Variants in FMN2 observed in about 807,000 individuals in gnomAD.
FMN2 encodes the protein formin 2.
Under a neutral mutation model 142.3 loss-of-function variants are expected in FMN2, and 51 were observed. That is an observed-to-expected ratio of 0.36 (90% CI 0.29 to 0.45). FMN2 has a LOEUF of 0.45. Among genes scored for constraint, FMN2 ranks in the 20% least tolerant of loss-of-function variants. The pLI is 1.00. For synonymous variants in FMN2, 882 were observed against 869.8 expected (o/e 1.01, Z -0.25); for missense variants, 1,936 against 2,122.8 (o/e 0.91, Z 1.73).
intron 13 of FMN2, among the ~76,000 whole-genome samples, chr1:240,350,037 G>A (rs895255190): frequency 6.6e-6 from 1 of 151,898 alleles, no homozygotes; most frequent in East Asian, 1.9e-4. Flanking sequence ...GCAACTTGAT[G>A]TGCTACAGTT....
At chr1:240,163,317 A>G (rs74785533) in intron 2 of FMN2, among the ~76,000 whole-genome samples, 2,115 of 152,286 alleles carry the variant, frequency 0.014, 48 homozygotes, top group African/African-American at 0.044. Flanking sequence ...TATTGCTACT[A>G]TGTTTGTGGA....
intron 15 of FMN2, among the ~76,000 whole-genome samples, chr1:240,415,190 G>A (rs1316985869): frequency 1.3e-5 from 2 of 152,258 alleles, no homozygotes; most frequent in Admixed American, 6.5e-5. Flanking sequence ...TTTACACCAC[G>A]GAATACTATG....
chr1:240,156,139 T>C (rs1664016777), intron 2 of FMN2, among the ~76,000 whole-genome samples: 1 of 152,016 alleles, frequency 6.6e-6, no homozygotes, highest in Non-Finnish European at 1.5e-5. Flanking sequence ...TAGTCCCAGC[T>C]ACTAGGAAGG....
chr1:240,193,693 C>T lies in FMN2; in HGVS notation c.1986+5431C>T, dbSNP rs1292629886. On this transcript the variant is annotated intron_variant, in intron 4 of 17. Coordinates refer to ENST00000319653, the MANE Select transcript of FMN2 (RefSeq NM_020066.5). Reference sequence around the variant, plus strand: ...GTTTTGCTTTCCTTCTCCCGGGCCTCCTTGGCCTGCAGCCTGACAGTGCCT... The same window carrying T: ...GTTTTGCTTTCCTTCTCCCGGGCCTTCTTGGCCTGCAGCCTGACAGTGCCT... Among the ~76,000 whole-genome samples, 3 of 152,228 alleles carry T rather than the reference C, an allele frequency of 2.0e-5. No homozygotes were observed. In the South Asian group the frequency reaches 6.2e-4, roughly 32 times the overall value.
intron 2 of FMN2, among the ~76,000 whole-genome samples, chr1:240,152,163 A>G (rs78389920): frequency 0.015 from 2,273 of 152,140 alleles, 70 homozygotes; most frequent in African/African-American, 0.052. Context: ...TCTTGAGGGT[A>G]GGTACCACCA....
rs575850432 is a variant in FMN2 at position 240,144,305 on chromosome 1, A to T, written c.1782+20960A>T. 2.5e-6 allele frequency: 4 copies of T among 1,607,508 alleles called. No homozygotes were observed. The South Asian group carries it at 4.4e-5, about 18-fold the overall frequency. On this transcript the variant is annotated intron_variant, in intron 2 of 17. Transcript: ENST00000319653. ...GTCCACCTGAGAGCCACTGCCCCCAAACCTGTTGTTCTCTAGGTGGGTTTT... is the reference window on the plus strand; with the variant it reads ...GTCCACCTGAGAGCCACTGCCCCCATACCTGTTGTTCTCTAGGTGGGTTTT...
intron 7 of FMN2, among the ~76,000 whole-genome samples, chr1:240,275,238 T>C (rs1256715086): frequency 6.7e-6 from 1 of 150,340 alleles, no homozygotes; most frequent in African/African-American, 2.4e-5. Context: ...ATCCCTCCCC[T>C]AGCCCCCCAA....
intron 1 of FMN2, among the ~76,000 whole-genome samples, chr1:240,109,596 G>A (rs544501439): frequency 2.6e-5 from 4 of 152,220 alleles, no homozygotes; most frequent in African/African-American, 9.6e-5. Flanking sequence ...AAGAAAAAGT[G>A]CCTACAGTGT....
intron 14 of FMN2, among the ~76,000 whole-genome samples, chr1:240,379,517 A>G (rs2103079518): frequency 6.6e-6 from 1 of 151,956 alleles, no homozygotes; most frequent in South Asian, 2.1e-4. Context: ...TTCTATCTGT[A>G]TTTCCTCAAC....
chr1:240,423,110 T>A (rs1021660830), intron 15 of FMN2, among the ~76,000 whole-genome samples: 1 of 152,212 alleles, frequency 6.6e-6, no homozygotes, highest in Non-Finnish European at 1.5e-5. Flanking sequence ...TGCAACAAAC[T>A]GAGTGTTGGC....
At chr1:240,184,458 T>C (rs1036068101) in intron 3 of FMN2, among the ~76,000 whole-genome samples, 67 of 150,602 alleles carry the variant, frequency 4.4e-4, no homozygotes, top group African/African-American at 1.5e-3. Flanking sequence ...CCTTGTGATC[T>C]GCCCGCCTCG....
At chr1:240,180,425 C>T (rs1665100506) in intron 3 of FMN2, among the ~76,000 whole-genome samples, 1 of 151,988 alleles carries the variant, frequency 6.6e-6, no homozygotes, top group South Asian at 2.1e-4. Context: ...TAACCTTTGC[C>T]TACAGTCTCA....
intron 1 of FMN2, among the ~76,000 whole-genome samples, chr1:240,118,540 A>G (rs894145043): frequency 6.6e-6 from 1 of 152,110 alleles, no homozygotes; most frequent in Admixed American, 6.5e-5. Context: ...AGGACTGCAC[A>G]GTGAGGGATT....
chr1:240,289,194 G>A (rs1669691209), intron 7 of FMN2, among the ~76,000 whole-genome samples: 1 of 152,132 alleles, frequency 6.6e-6, no homozygotes, highest in Non-Finnish European at 1.5e-5. Context: ...TGCAGTGGCT[G>A]GGATAAGTGT....
chr1:240,127,696 T>C (rs1662570275), intron 2 of FMN2, among the ~76,000 whole-genome samples: 1 of 152,110 alleles, frequency 6.6e-6, no homozygotes, highest in Non-Finnish European at 1.5e-5. Flanking sequence ...CCCAAGTTGG[T>C]CTTGAACTCC....
chr1:240,363,780 C>A (rs12723298), intron 14 of FMN2, among the ~76,000 whole-genome samples: 1 of 151,976 alleles, frequency 6.6e-6, no homozygotes, highest in Admixed American at 6.6e-5. Context: ...CCAGAAGCCA[C>A]TGCCCTTGTA....
rs369948956 is a variant in FMN2, at chr1:240,174,962, C to T, written c.1783-2959C>T. 5.3e-5 allele frequency among the ~76,000 whole-genome samples: 8 copies of T among 152,268 alleles called. No individual in the cohort carries two copies. In the South Asian group the frequency reaches 6.2e-4, roughly 12 times the overall value. ...TCTTGCAAAACTGAAAGTCTGTACC[C>T]GTTACATTGCAACAACTTCCTATCC... On this transcript the variant is annotated intron_variant, in intron 2 of 17. Coordinates refer to ENST00000319653, the MANE Select transcript of FMN2 (RefSeq NM_020066.5).
At chr1:240,209,836 G>A (rs1163671666) in intron 5 of FMN2, among the ~76,000 whole-genome samples, 2 of 151,842 alleles carry the variant, frequency 1.3e-5, no homozygotes, top group East Asian at 4.0e-4. Context: ...CCCGGGAGGC[G>A]GAGCTTGCAG....
chr1:240,159,889 A>G (rs919680285), intron 2 of FMN2, among the ~76,000 whole-genome samples: 23 of 134,062 alleles, frequency 1.7e-4, no homozygotes, highest in Non-Finnish European at 3.1e-4. Context: ...ATGGAGAGAT[A>G]TATATATATA....
Sources: gnomAD v4.1 joint callset for allele counts (sites outside exome capture counted in the v4.1 genomes callset) on GRCh38, gnomAD v4.1.1 for gene constraint, MANE v1.5 for transcripts, NCBI Gene and HGNC (gene_info 2026-07-23, HGNC 2026-07-21) for gene names.